Variants in SPATA6L observed in about 807,000 individuals in gnomAD.
SPATA6L encodes the protein spermatogenesis associated 6 like.
SPATA6L carries 68 observed loss-of-function variants against 49.2 expected under a neutral mutation model. The observed-to-expected ratio is 1.38, with a 90% confidence interval of 1.14 to 1.69. The LOEUF (loss-of-function observed/expected upper bound fraction) is 1.69. Among genes scored for constraint, SPATA6L ranks in the 40% most tolerant of loss-of-function variants. The pLI, the probability that SPATA6L is intolerant of heterozygous loss-of-function variation, is 0.00. For synonymous variants in SPATA6L, 198 were observed against 165.7 expected, an observed-to-expected ratio of 1.19 and a Z score of -1.50; for missense variants, 668 against 464.3, an observed-to-expected ratio of 1.44 and a Z score of -4.03.
At chr9:4,665,658 A>G (rs1313002190) in intron 1 of SPATA6L, among the ~76,000 whole-genome samples, 2 of 152,258 alleles carry the variant, frequency 1.3e-5, no homozygotes, top group Non-Finnish European at 2.9e-5. Flanking sequence ...ACCCCCAAGT[A>G]GAAACCATGG....
At chr9:4,606,907 A>C (rs1825373291) in intron 9 of SPATA6L, among the ~76,000 whole-genome samples, 1 of 142,700 alleles carries the variant, frequency 7.0e-6, no homozygotes, top group Non-Finnish European at 1.5e-5. Context: ...AAAAATTTAG[A>C]AGAATGTATA....
chr9:4,605,064 G>A (rs1007995294), intron 10 of SPATA6L, among the ~76,000 whole-genome samples: 1 of 152,062 alleles, frequency 6.6e-6, no homozygotes, highest in South Asian at 2.1e-4. Context: ...TCCTTTGAAA[G>A]GACCTCTGCT....
chr9:4,606,670 T>G (rs1482768220), intron 9 of SPATA6L, among the ~76,000 whole-genome samples: 7 of 112,908 alleles, frequency 6.2e-5, no homozygotes, highest in South Asian at 3.2e-4. Flanking sequence ...AGACCAAAAG[T>G]AGATAAAACC....
chr9:4,635,853 C>T (rs1832702846), intron 3 of SPATA6L, among the ~76,000 whole-genome samples: 1 of 152,144 alleles, frequency 6.6e-6, no homozygotes, highest in Admixed American at 6.5e-5. Context: ...CTGTGATTCT[C>T]AGCAGGGGTA....
At chr9:4,626,419 G>A in intron 5 of SPATA6L, 2 of 1,303,960 alleles carry the variant, frequency 1.5e-6, no homozygotes, top group Non-Finnish European at 2.0e-6. Flanking sequence ...GCTCATCCAA[G>A]TCCCACCTTC....
chr9:4,607,907 G>A (rs1217157696), intron 9 of SPATA6L, among the ~76,000 whole-genome samples: 15 of 151,204 alleles, frequency 9.9e-5, no homozygotes, highest in South Asian at 2.1e-4. Flanking sequence ...CCCATCTCAC[G>A]TGCAGAGACA....
At chr9:4,627,082 GAC>G (rs1244102648) in intron 5 of SPATA6L, 1 of 152,026 alleles carries the variant, frequency 6.6e-6, no homozygotes, top group Non-Finnish European at 1.5e-5. Context: ...AAAAAAAACA[GAC>G]AGTGTGGTGG....
At chr9:4,656,289 G>C (rs911656628) in intron 2 of SPATA6L, among the ~76,000 whole-genome samples, 200 bp from the exon 3 acceptor site, 2 of 151,980 alleles carry the variant, frequency 1.3e-5, no homozygotes, top group African/African-American at 2.4e-5. Context: ...AAATACAAAA[G>C]TTAGCTGGGC....
intron 1 of SPATA6L, chr9:4,663,269 T>C (rs763816999): frequency 3.4e-5 from 54 of 1,608,762 alleles, no homozygotes; most frequent in Non-Finnish European, 4.5e-5. Flanking sequence ...GATGACACCA[T>C]CTCATTGATT....
In SPATA6L at chr9:4,600,473, C is replaced by CAGAGAGAGCCAGAGAG. The variant is rs1822940857; in HGVS notation, c.*322_*337dup. Reference sequence around the variant, plus strand: ...ATATAATTAATTTGAGAGAGAGAGACAGAGAGAGCCAGAGAGAGCCAGAGA... The same window carrying CAGAGAGAGCCAGAGAG: ...ATATAATTAATTTGAGAGAGAGAGACAGAGAGAGCCAGAGAGAGAGAGAGCCAGAGAGAGCCAGAGA... On this transcript the variant is annotated 3_prime_UTR_variant, in exon 12 of 12. Transcript: ENST00000682582. 6.9e-6 allele frequency: 1 copy of CAGAGAGAGCCAGAGAG among 144,976 alleles called. No homozygotes were observed. The highest frequency in any genetic ancestry group is 2.5e-5 in the African/African-American group (1 of 39,594). 9.0% of individuals were successfully genotyped at this position (144,976 alleles called of 1,614,324 possible).
chr9:4,631,624 CA>C lies in SPATA6L; in HGVS notation c.352-2457del, dbSNP rs1464821490. Reference sequence around the variant, plus strand: ...AATACACAAATACAAAGAAAAGCCACATGCTAGTGGAGGAAATAAATCTAAT... The same window carrying C: ...AATACACAAATACAAAGAAAAGCCACTGCTAGTGGAGGAAATAAATCTAAT... On this transcript the variant is annotated intron_variant, in intron 4 of 11. Transcript: ENST00000682582. Among the ~76,000 whole-genome samples the C allele has an allele frequency of 2.5e-5, 3 of 119,974 alleles. No individual in the cohort carries two copies. The Admixed American group carries it at 2.6e-4, about 10-fold the overall frequency. The allele number at this position is 119,974 out of a possible 152,430, so 78.7% of individuals were successfully genotyped here.
intron 9 of SPATA6L, among the ~76,000 whole-genome samples, chr9:4,606,482 GCCTGACC>G: frequency 2.5e-5 from 1 of 39,528 alleles, no homozygotes; most frequent in East Asian, 3.9e-4. Context: ...TCAAGTGGGT[GCCTGACC>G]CCTGACCCCC....
chr9:4,629,958 A>G (rs1184261649), intron 4 of SPATA6L, among the ~76,000 whole-genome samples: 1 of 152,012 alleles, frequency 6.6e-6, no homozygotes, highest in African/African-American at 2.4e-5. Context: ...TACATAATGG[A>G]AACTACTCGG....
intron 3 of SPATA6L, among the ~76,000 whole-genome samples, chr9:4,652,309 C>G (rs1049339609): frequency 2.0e-5 from 3 of 151,870 alleles, no homozygotes; most frequent in African/African-American, 7.3e-5. Flanking sequence ...GTAATGCCAG[C>G]TACTAGGGAG....
chr9:4,625,129 C>T (rs936113756), intron 6 of SPATA6L, 198 bp downstream of exon 6: 1 of 942,274 alleles, frequency 1.1e-6, no homozygotes, highest in African/African-American at 1.7e-5. Flanking sequence ...AGCAAGTCCC[C>T]TGTATAAGGT....
intron 3 of SPATA6L, among the ~76,000 whole-genome samples, chr9:4,649,162 G>A (rs918228180): frequency 2.3e-4 from 35 of 152,034 alleles, no homozygotes; most frequent in African/African-American, 8.5e-4. Context: ...TTTTGCAATT[G>A]CAAATTGTGC....
chr9:4,662,591 C>G lies in SPATA6L; in HGVS notation c.40-555G>C, dbSNP rs533043414. The G allele has an allele frequency of 7.5e-6, 12 of 1,592,838 alleles. No homozygotes were observed. Among genetic ancestry groups the G allele is most frequent in the Middle Eastern group, 2.0e-4 (1 of 4,962 alleles). ...CAGTTCACCGCCGCGGCTCCTTCCC[C>G]CTGGCCGCGGCGGGCCCCTCGCAGT... On this transcript the variant is annotated intron_variant, in intron 1 of 11. Coordinates refer to ENST00000682582, the MANE Select transcript of SPATA6L (RefSeq NM_001353486.2). The surrounding 1 kb of genome is among the most constrained non-coding windows in gnomAD (Gnocchi z 4.9).
chr9:4,629,769 G>GTATATATATATATATATATATATA (rs35908661), intron 4 of SPATA6L, among the ~76,000 whole-genome samples: 4 of 101,936 alleles, frequency 3.9e-5, no homozygotes, highest in Non-Finnish European at 5.4e-5. Flanking sequence ...GTGTGTGTGT[G>GTATATATATATATATATATATATA]TATATATATA....
At chr9:4,616,273 T>C (rs1467538721) in intron 9 of SPATA6L, among the ~76,000 whole-genome samples, 1 of 151,762 alleles carries the variant, frequency 6.6e-6, no homozygotes, top group African/African-American at 2.4e-5. Context: ...CAAGACCCCA[T>C]CTCGAAAAAA....
Sources: gnomAD v4.1 joint callset for allele counts (sites outside exome capture counted in the v4.1 genomes callset) on GRCh38, gnomAD v4.1.1 for gene constraint, Gnocchi (gnomAD v3.1) non-coding constraint, MANE v1.5 for transcripts, NCBI Gene and HGNC (gene_info 2026-07-23, HGNC 2026-07-21) for gene names.